The following DCTN4 variants were observed in gnomAD, a reference collection of about 807,000 sequenced individuals.
The protein encoded by DCTN4 is dynactin subunit 4, also known as dynactin 4 (p62).
DCTN4 carries 23 observed loss-of-function variants against 62.7 expected under a neutral mutation model. That is an observed-to-expected ratio of 0.37 (90% CI 0.26 to 0.52). The LOEUF (loss-of-function observed/expected upper bound fraction) is 0.52, where lower values mean the gene tolerates loss of function less well. Ranked by LOEUF, DCTN4 falls within the 20% of genes least tolerant of loss-of-function variation. The probability of loss-of-function intolerance (pLI) is 0.92; values close to 1 mark genes in which losing one functional copy is unlikely to be tolerated. For missense variants in DCTN4, 514 were observed against 580.4 expected (o/e 0.89, Z 1.18); for synonymous variants, 199 against 202.1 (o/e 0.98, Z 0.13).
chr5:150,752,234 G>A (rs1752703038), intron 3 of DCTN4, among the ~76,000 whole-genome samples: 3 of 152,110 alleles, frequency 2.0e-5, no homozygotes, highest in African/African-American at 2.4e-5. Context: ...ACTGTACAGA[G>A]AATGTTTCCA....
rs529131300 is a variant in DCTN4, at chr5:150,711,372, G to GA, written c.1170-11dup. 34 of 1,594,984 alleles carry GA rather than the reference G, an allele frequency of 2.1e-5. 1 individual carries two copies. Among genetic ancestry groups the GA allele is most frequent in the South Asian group, 6.8e-5 (6 of 88,778 alleles). ...TCTGAAGGCTATAATGCTATGGAAA[G>GA]AAAAAAAAGCAAGTATTAGGTAGAT... On this transcript the variant is annotated splice_polypyrimidine_tract_variant and intron_variant, in intron 12 of 12. Transcript: ENST00000447998.
intron 12 of DCTN4, among the ~76,000 whole-genome samples, chr5:150,712,181 G>A (rs1381031144): frequency 6.6e-6 from 1 of 152,168 alleles, no homozygotes; most frequent in Non-Finnish European, 1.5e-5. Context: ...CCAGGCTGGA[G>A]TGCAGTGGCG....
At chr5:150,757,839 TA>T (rs1752918089) in intron 1 of DCTN4, 1 of 153,156 alleles carries the variant, frequency 6.5e-6, no homozygotes, top group Non-Finnish European at 1.5e-5. Flanking sequence ...GGATCTTCAG[TA>T]AAAAACACTC....
intron 9 of DCTN4, among the ~76,000 whole-genome samples, chr5:150,721,631 A>G (rs1459816711): frequency 6.6e-6 from 1 of 152,160 alleles, no homozygotes; most frequent in African/African-American, 2.4e-5. Context: ...GTCATTTGAA[A>G]TTCCTTTCCC....
intron 8 of DCTN4, among the ~76,000 whole-genome samples, chr5:150,725,936 CTT>C (rs1490524261): frequency 6.6e-6 from 1 of 152,050 alleles, no homozygotes; most frequent in Non-Finnish European, 1.5e-5. Flanking sequence ...AAGTTTTGCT[CTT>C]GTTGCCCAGG....
chr5:150,714,470 G>A lies in DCTN4; in HGVS notation c.1169+1095C>T, dbSNP rs147320967. 6.6e-3 allele frequency among the ~76,000 whole-genome samples: 1,008 copies of A among 152,034 alleles called. 6 individuals are homozygous for A. Among genetic ancestry groups the A allele is most frequent in the Middle Eastern group, 0.01 (3 of 294 alleles). On this transcript the variant is annotated intron_variant, in intron 12 of 12. Transcript: ENST00000447998. Reference sequence around the variant, plus strand: ...CAGCTGACTGCAGCCTCAGCCTACCGGGCTCAACTGATTCTCCCACCCTGG... The same window carrying A: ...CAGCTGACTGCAGCCTCAGCCTACCAGGCTCAACTGATTCTCCCACCCTGG...
Position 150,709,594 on chromosome 5 carries a change from T to C in DCTN4, c.*1555A>G, listed in dbSNP as rs1759490113. The C allele has an allele frequency of 6.6e-6, 1 of 152,392 alleles. No individual in the cohort carries two copies. Among genetic ancestry groups the C allele is most frequent in the Non-Finnish European group, 1.5e-5 (1 of 68,052 alleles). 9.4% of individuals were successfully genotyped at this position (152,392 alleles called of 1,614,324 possible). ...ATAATGTTAGAGATGAGTATTTTCC[T>C]TCTTACACTGCATCACATATATTAC... On this transcript the variant is annotated 3_prime_UTR_variant, in exon 13 of 13. Coordinates refer to ENST00000447998, the MANE Select transcript of DCTN4 (RefSeq NM_016221.4).
chr5:150,742,132 T>C lies in DCTN4; in HGVS notation c.411A>G (p.Glu137=). ...SVASGGWQEP[E]NPHTQRMNKL... ...TACTTACCCGTTGTGTGTGAGGATTTTCAGGTTCCTGCCAACCGCCACTAG... is the reference window on the plus strand; with the variant it reads ...TACTTACCCGTTGTGTGTGAGGATTCTCAGGTTCCTGCCAACCGCCACTAG... Residue 137 remains glutamate (E), a synonymous_variant, in exon 4 of 13, where the codon GAA becomes GAG. Transcript: ENST00000447998. The C allele has an allele frequency of 6.2e-7, 1 of 1,614,106 alleles. No individual in the cohort carries two copies. Among genetic ancestry groups the C allele is most frequent in the Non-Finnish European group, 8.5e-7 (1 of 1,179,946 alleles).
At chr5:150,718,234 G>T in intron 11 of DCTN4, 42 bp downstream of exon 11, 2 of 1,386,542 alleles carry the variant, frequency 1.4e-6, no homozygotes, top group South Asian at 1.2e-5. Context: ...GGACACTCCA[G>T]GGAAAGTGCG....
At chr5:150,731,872 A>G (rs1424318523) in intron 5 of DCTN4, 2 of 1,551,500 alleles carry the variant, frequency 1.3e-6, no homozygotes. Context: ...CAAGAATCAT[A>G]AAGGAGAACT....
intron 8 of DCTN4, among the ~76,000 whole-genome samples, chr5:150,727,212 T>C (rs1760178536): frequency 6.6e-6 from 1 of 152,190 alleles, no homozygotes; most frequent in Non-Finnish European, 1.5e-5. Context: ...TTTGTTTATA[T>C]TTTGTATCAG....
rs192665511 is a variant in DCTN4 at position 150,754,839 on chromosome 5, C to T, written c.207-1182G>A. Among the ~76,000 whole-genome samples the T allele has an allele frequency of 4.8e-3, 736 of 152,132 alleles. 5 individuals are homozygous for T. Among genetic ancestry groups the T allele is most frequent in the African/African-American group, 0.017 (711 of 41,486 alleles). ...AATTATCCAGGTGTGGTAGCATGTGCCTAGTCTCAGCTACTCAGGAGGCTG... is the reference window on the plus strand; with the variant it reads ...AATTATCCAGGTGTGGTAGCATGTGTCTAGTCTCAGCTACTCAGGAGGCTG... On this transcript the variant is annotated intron_variant, in intron 2 of 12. Coordinates refer to ENST00000447998, the MANE Select transcript of DCTN4 (RefSeq NM_016221.4).
rs756149995 is a variant in DCTN4 at position 150,730,735 on chromosome 5, T to G, written c.730A>C (p.Thr244Pro). The G allele has an allele frequency of 6.2e-7, 1 of 1,613,566 alleles. No homozygotes were observed. Residue 244 changes from threonine (T) to proline (P), a missense_variant, in exon 8 of 13, where the codon ACC becomes CCC. Thr to Pro is a conservative substitution (Grantham distance 38). Transcript: ENST00000447998. ...TRPVNLTEVTTLQQRLLQPDF... is the reference protein window; with the variant it reads ...TRPVNLTEVTPLQQRLLQPDF... ...GGCTGTAACAGACGCTGCTGAAGGGTTGTTACTAGAAAGAAAGGCAGAAAA... is the reference window on the plus strand; with the variant it reads ...GGCTGTAACAGACGCTGCTGAAGGGGTGTTACTAGAAAGAAAGGCAGAAAA...
chr5:150,749,625 G>C (rs1752598003), intron 3 of DCTN4, among the ~76,000 whole-genome samples: 1 of 151,660 alleles, frequency 6.6e-6, no homozygotes. Context: ...AGACCAGCCT[G>C]GGTAACATGG....
chr5:150,756,637 CTGT>C (rs1386779445), intron 1 of DCTN4, 150 bp from the exon 2 acceptor site: 4 of 225,874 alleles, frequency 1.8e-5, no homozygotes, highest in Admixed American at 3.1e-4. Context: ...CTTCAGTCAC[CTGT>C]TTTTTTTTTT....
intron 4 of DCTN4, 83 bp from the exon 5 acceptor site, chr5:150,733,558 A>C (rs996371565): frequency 4.3e-6 from 4 of 922,662 alleles, no homozygotes; most frequent in Non-Finnish European, 6.6e-6. Flanking sequence ...CTAGACACAT[A>C]ATGAATAGAG....
intron 5 of DCTN4, among the ~76,000 whole-genome samples, chr5:150,732,869 T>C (rs1760435561): frequency 6.6e-6 from 1 of 152,220 alleles, no homozygotes; most frequent in South Asian, 2.1e-4. Context: ...TACTTGCATA[T>C]ATTACTATTT....
chr5:150,731,040 T>C lies in DCTN4; in HGVS notation c.724+4A>G, dbSNP rs1418823289. 1.3e-6 allele frequency: 2 copies of C among 1,520,600 alleles called. No individual in the cohort carries two copies. Among genetic ancestry groups the C allele is most frequent in the Non-Finnish European group, 1.8e-6 (2 of 1,099,080 alleles). 94.2% of individuals were successfully genotyped at this position (1,520,600 alleles called of 1,614,324 possible). ...AAACAAAGTAGAAAAACACAGAAAA[T>C]TACCCTCTGTTAAATTTACTGGTCT... is the stretch of plus-strand genomic sequence containing the variant. On this transcript the variant is annotated splice_donor_region_variant and intron_variant, in intron 7 of 12. Transcript: ENST00000447998.
At chr5:150,730,234 ATTTGTTCTGT>A (rs1760309895) in intron 8 of DCTN4, among the ~76,000 whole-genome samples, 1 of 152,146 alleles carries the variant, frequency 6.6e-6, no homozygotes, top group African/African-American at 2.4e-5. Flanking sequence ...AAACTCTGTC[ATTTGTTCTGT>A]AGATTACCAG....
Sources: allele counts gnomAD v4.1 joint callset (sites outside exome capture counted in the v4.1 genomes callset), GRCh38; gene constraint gnomAD v4.1.1; transcripts MANE v1.5; gene names NCBI Gene and HGNC (gene_info 2026-07-23, HGNC 2026-07-21).